Variants in ZNF407 observed in about 807,000 individuals in gnomAD.
ZNF407 encodes zinc finger protein 407.
A neutral mutation model predicts 131.2 loss-of-function variants in ZNF407; 17 were observed. That is an observed-to-expected ratio of 0.13 (90% CI 0.09 to 0.19). ZNF407 has a LOEUF of 0.19. Among genes scored for constraint, ZNF407 ranks in the 10% least tolerant of loss-of-function variants. The probability of loss-of-function intolerance (pLI) is 1.00; values close to 1 mark genes in which losing one functional copy is unlikely to be tolerated. For missense variants in ZNF407, 2,681 were observed against 2,830.6 expected (o/e 0.95, Z 1.20); for synonymous variants, 1,156 against 1,062.0 (o/e 1.09, Z -1.72).
chr18:74,602,955 C>T (rs926570507), intron 1 of ZNF407, among the ~76,000 whole-genome samples: 2 of 147,734 alleles, frequency 1.4e-5, no homozygotes. Flanking sequence ...TACACTGACC[C>T]CTGAGCATGC....
At chr18:74,940,039 GTC>G (rs1267044541) in intron 8 of ZNF407, among the ~76,000 whole-genome samples, 2 of 152,158 alleles carry the variant, frequency 1.3e-5, no homozygotes, top group Non-Finnish European at 2.9e-5. Context: ...TACATATGAA[GTC>G]TCTGCCACAG....
At position 74,635,315 on chromosome 18, in the gene ZNF407, C is replaced by CATAGCCATG. The variant is rs1984406711; in HGVS notation, c.4298_4306dup (p.Ile1433_Met1435dup). On this transcript the variant is annotated inframe_insertion, in exon 2 of 9. Coordinates refer to ENST00000299687, the MANE Select transcript of ZNF407 (RefSeq NM_017757.3). This position sits in a 1 kb window ranked among gnomAD's most constrained non-coding sequence, Gnocchi z 4.7. ...ATGGACTGAGTGGACTGAATGTTCACATAGCCATGAAGCATCCTACAAAAG... is the reference window on the plus strand; with the variant it reads ...ATGGACTGAGTGGACTGAATGTTCACATAGCCATGATAGCCATGAAGCATCCTACAAAAG... 6.2e-7 allele frequency: 1 copy of CATAGCCATG among 1,613,886 alleles called. No individual in the cohort carries two copies. The highest frequency in any genetic ancestry group is 8.5e-7 in the Non-Finnish European group (1 of 1,179,896).
At chr18:75,019,078 T>C (rs1367016203) in intron 8 of ZNF407, among the ~76,000 whole-genome samples, 1 of 152,110 alleles carries the variant, frequency 6.6e-6, no homozygotes, top group Non-Finnish European at 1.5e-5. Flanking sequence ...CAGGTTAAAT[T>C]AGAAGATCAA....
At chr18:74,708,966 A>C (rs1967693105) in intron 3 of ZNF407, among the ~76,000 whole-genome samples, 1 of 152,224 alleles carries the variant, frequency 6.6e-6, no homozygotes, top group Admixed American at 6.5e-5. Context: ...ATCGTCCCCT[A>C]TGATTTAGTG....
intron 4 of ZNF407, chr18:74,803,970 G>T (rs916492075): frequency 3.2e-6 from 5 of 1,551,722 alleles, no homozygotes; most frequent in South Asian, 2.4e-5. Context: ...TCAGAGTAAA[G>T]GTTGCATATC....
At chr18:74,849,569 G>A (rs1568240440) in intron 4 of ZNF407, among the ~76,000 whole-genome samples, 1 of 152,132 alleles carries the variant, frequency 6.6e-6, no homozygotes, top group East Asian at 1.9e-4. Flanking sequence ...TTGAGACCCT[G>A]GGTTCACAGC....
At chr18:74,947,089 G>A (rs1972161739) in intron 8 of ZNF407, among the ~76,000 whole-genome samples, 2 of 152,226 alleles carry the variant, frequency 1.3e-5, no homozygotes, top group South Asian at 4.2e-4. Flanking sequence ...ACAGATGACC[G>A]CCTCCTGTTC....
At chr18:74,823,515 ATAT>A (rs1970369312) in intron 4 of ZNF407, among the ~76,000 whole-genome samples, 1 of 152,086 alleles carries the variant, frequency 6.6e-6, no homozygotes, top group Non-Finnish European at 1.5e-5. Flanking sequence ...GGATGGAGGA[ATAT>A]TTACCAAGCA....
At chr18:74,777,750 T>A (rs7238530) in intron 3 of ZNF407, among the ~76,000 whole-genome samples, 150 of 61,734 alleles carry the variant, frequency 2.4e-3, no homozygotes, top group East Asian at 3.4e-3. Flanking sequence ...TCTCTCTCTC[T>A]CATTCACTCA....
intron 4 of ZNF407, among the ~76,000 whole-genome samples, chr18:74,853,625 A>G (rs1970819674): frequency 6.6e-6 from 1 of 152,202 alleles, no homozygotes; most frequent in Non-Finnish European, 1.5e-5. Flanking sequence ...CCTTCATTAC[A>G]AAGAGTCTGC....
At chr18:74,794,413 A>ATTT (rs369175320) in intron 4 of ZNF407, among the ~76,000 whole-genome samples, 72 of 146,956 alleles carry the variant, frequency 4.9e-4, no homozygotes, top group Non-Finnish European at 8.6e-4. Flanking sequence ...GGGTCACATA[A>ATTT]TTTTTTTTTT....
At chr18:74,608,543 C>T (rs1039023855) in intron 1 of ZNF407, among the ~76,000 whole-genome samples, 11 of 152,060 alleles carry the variant, frequency 7.2e-5, no homozygotes, top group African/African-American at 2.7e-4. Flanking sequence ...TACGTGGTTT[C>T]TCCATGTTGG....
At chr18:74,860,580 A>G (rs1234997399) in intron 4 of ZNF407, among the ~76,000 whole-genome samples, 1 of 151,686 alleles carries the variant, frequency 6.6e-6, no homozygotes, top group Non-Finnish European at 1.5e-5. Flanking sequence ...TACAGATACA[A>G]TTTACTCATT....
At chr18:74,706,718 G>A (rs980162819) in intron 3 of ZNF407, among the ~76,000 whole-genome samples, 5 of 152,084 alleles carry the variant, frequency 3.3e-5, no homozygotes, top group Non-Finnish European at 7.4e-5. Context: ...TTGGGGATAG[G>A]GATGGTTCTT....
chr18:74,759,636 T>C (rs1244091565), intron 3 of ZNF407, among the ~76,000 whole-genome samples: 6 of 152,086 alleles, frequency 3.9e-5, no homozygotes, highest in Admixed American at 3.3e-4. Context: ...AGTTCAAATC[T>C]GCTCTTGAGT....
intron 3 of ZNF407, among the ~76,000 whole-genome samples, chr18:74,760,524 A>G (rs1362532230): frequency 1.3e-5 from 2 of 152,150 alleles, no homozygotes; most frequent in Non-Finnish European, 2.9e-5. Flanking sequence ...TTTTATGCTC[A>G]GACAGCTATG....
intron 3 of ZNF407, among the ~76,000 whole-genome samples, chr18:74,755,411 C>T (rs1016272883): frequency 3.3e-5 from 5 of 151,970 alleles, no homozygotes; most frequent in African/African-American, 4.8e-5. Context: ...TTATTTTGTT[C>T]GTTAGTTGAT....
chr18:74,664,180 C>G (rs1377528595), intron 3 of ZNF407, among the ~76,000 whole-genome samples: 1 of 152,198 alleles, frequency 6.6e-6, no homozygotes, highest in African/African-American at 2.4e-5. Context: ...TAACCAACGA[C>G]AGCTATCACC....
At chr18:74,916,751 AG>A (rs1373752184) in intron 7 of ZNF407, among the ~76,000 whole-genome samples, 1 of 124,758 alleles carries the variant, frequency 8.0e-6, no homozygotes, top group African/African-American at 3.4e-5. Flanking sequence ...TGGTATGGTG[AG>A]ATTGTATGCA....
Sources: gnomAD v4.1 joint callset for allele counts (sites outside exome capture counted in the v4.1 genomes callset) on GRCh38, gnomAD v4.1.1 for gene constraint, Gnocchi (gnomAD v3.1) non-coding constraint, MANE v1.5 for transcripts, NCBI Gene and HGNC (gene_info 2026-07-23, HGNC 2026-07-21) for gene names.